NLRP7: variants seen among roughly 807,000 people sequenced by gnomAD.
The protein encoded by NLRP7 is NACHT, LRR and PYD domains-containing protein 7.
Under a neutral mutation model 85.5 loss-of-function variants are expected in NLRP7, and 72 were observed. The ratio of observed to expected loss-of-function variants is 0.84; its 90% CI spans 0.70 to 1.02. NLRP7 has a LOEUF of 1.02. Among genes scored for constraint, NLRP7 ranks in the 50% least tolerant of loss-of-function variants. The pLI is 0.00. For synonymous variants in NLRP7, 550 were observed against 505.2 expected (o/e 1.09, Z -1.19); for missense variants, 1,243 against 1,219.5 (o/e 1.02, Z -0.29).
At chr19:54,944,118 A>T (rs1392788710) in intron 1 of NLRP7, among the ~76,000 whole-genome samples, 1 of 152,098 alleles carries the variant, frequency 6.6e-6, no homozygotes, top group Non-Finnish European at 1.5e-5. Flanking sequence ...GAAGGGAAAG[A>T]CCAGACCGTA....
chr19:54,959,358 C>T (rs1602241715), intron 1 of NLRP7, among the ~76,000 whole-genome samples: 1 of 150,808 alleles, frequency 6.6e-6, no homozygotes, highest in African/African-American at 2.4e-5. Context: ...AGGCTGGTCT[C>T]AAACTCCTGA....
rs2069162038 is a variant in NLRP7 at position 54,940,241 on chromosome 19, A to G, written c.578T>C (p.Leu193Pro). The change falls in exon 4 of 10, where the codon CTG becomes CCG. Residue 193 changes from leucine (L) to proline (P), a missense_variant. Around this residue, in one of 3 missense-constraint regions of NLRP7, gnomAD observed 591 missense variants for 563.3 expected, o/e 1.05. Coordinates refer to ENST00000340844, the Ensembl canonical transcript of NLRP7. ...GCTGAGGTTGCAGTCTGTCCAGTCC[A>G]GCATACACTTTTTGGCCAGCGTGGT... is the stretch of plus-strand genomic sequence containing the variant. 2 of 1,614,096 alleles carry G rather than the reference A, an allele frequency of 1.2e-6. No homozygotes were observed. Among genetic ancestry groups the G allele is most frequent in the African/African-American group, 2.7e-5 (2 of 74,950 alleles).
At chr19:54,949,507 C>T (rs2069603411), upstream of NLRP7, among the ~76,000 whole-genome samples, 2 of 152,082 alleles carry the variant, frequency 1.3e-5, no homozygotes, top group Non-Finnish European at 2.9e-5. Flanking sequence ...GCCTTTAGTC[C>T]TAGAGCAGCT....
At chr19:54,923,542 T>G in exon 10 of NLRP7, 4 of 649,904 alleles carry the variant, frequency 6.2e-6, no homozygotes, top group East Asian at 2.7e-5. Flanking sequence ...ATTATCCCTG[T>G]GAGAAAGTAC....
chr19:54,942,765 G>A (rs1307606623), intron 1 of NLRP7, among the ~76,000 whole-genome samples: 1 of 151,998 alleles, frequency 6.6e-6, no homozygotes, highest in African/African-American at 2.4e-5. Context: ...AGACTTCCTC[G>A]CCACCAACCC....
intron 1 of NLRP7, among the ~76,000 whole-genome samples, chr19:54,956,233 T>A (rs2069849432): frequency 6.6e-6 from 1 of 152,138 alleles, no homozygotes; most frequent in Non-Finnish European, 1.5e-5. Flanking sequence ...GTCAGTCTTG[T>A]GGGACTCAGC....
Position 54,933,755 on chromosome 19 carries a change from A to T in NLRP7, c.2472-16T>A. On this transcript the variant is annotated splice_polypyrimidine_tract_variant and intron_variant, in intron 7 of 9. Coordinates refer to ENST00000340844, the Ensembl canonical transcript of NLRP7. ...GTTTTCCAACCTGCAAAAATATGAA[A>T]CAAATGGTAGAAGGATGAGAACATT... 1 of 1,610,814 alleles carries T rather than the reference A, an allele frequency of 6.2e-7. No homozygotes were observed. The highest frequency in any genetic ancestry group is 8.5e-7 in the Non-Finnish European group (1 of 1,177,026).
intron 9 of NLRP7, among the ~76,000 whole-genome samples, chr19:54,930,173 C>T (rs1052040000): frequency 5.4e-5 from 8 of 149,202 alleles, no homozygotes; most frequent in African/African-American, 2.0e-4. Flanking sequence ...TTTCCAAACA[C>T]TTTAAAAATG....
At position 54,930,349 on chromosome 19, in the gene NLRP7, C is replaced by T. The variant is rs1029794296; in HGVS notation, c.2810+150G>A. 1.2e-5 allele frequency: 8 copies of T among 648,866 alleles called. No homozygotes were observed. The East Asian group carries it at 1.4e-4, about 11-fold the overall frequency. The allele number at this position is 648,866 out of a possible 1,614,324, so 40.2% of individuals were successfully genotyped here. A position where few individuals can be genotyped will look rare whatever the true frequency, so the allele number is the denominator to read the frequency against. ...TGGTAATACATGCCTGTAGAGCCAGCTACTCAGGAGGCTGAGGTGGGAGAA... is the reference window on the plus strand; with the variant it reads ...TGGTAATACATGCCTGTAGAGCCAGTTACTCAGGAGGCTGAGGTGGGAGAA... On this transcript the variant is annotated intron_variant, in intron 9 of 9. Transcript: ENST00000340844.
chr19:54,929,486 G>T (rs2068582389), intron 9 of NLRP7, among the ~76,000 whole-genome samples: 1 of 152,126 alleles, frequency 6.6e-6, no homozygotes, highest in Non-Finnish European at 1.5e-5. Flanking sequence ...TGGAAAATAG[G>T]TTGCATCCAA....
At chr19:54,952,211 G>C (rs572798101), upstream of NLRP7, among the ~76,000 whole-genome samples, 2 of 152,058 alleles carry the variant, frequency 1.3e-5, no homozygotes, top group South Asian at 4.2e-4. Context: ...TGAGGAATGG[G>C]ATCAGCATGA....
intron 1 of NLRP7, among the ~76,000 whole-genome samples, chr19:54,955,789 G>T (rs1024336565): frequency 8.6e-5 from 13 of 151,792 alleles, no homozygotes; most frequent in African/African-American, 3.1e-4. Flanking sequence ...TGAGGTTGCA[G>T]TGAGCTGTGA....
At position 54,923,772 on chromosome 19, in the gene NLRP7, T is replaced by C. The variant is rs7256020; in HGVS notation, c.2911A>G (p.Thr971Ala). 6,776 of 1,613,772 alleles carry C rather than the reference T, an allele frequency of 4.2e-3. 196 individuals carry two copies. The African/African-American group carries it at 0.074, about 18-fold the overall frequency. ...AAAAAGTCACAGCACGGAGGTGCCG[T>C]TGCCCCGGAAGCATTGCAATCAATA... The change falls in exon 10 of 10, where the codon ACG becomes GCG. Residue 971 changes from threonine (T) to alanine (A), a missense_variant. By Grantham distance (58) the Thr-to-Ala change is moderately conservative. Around this residue, in one of 3 missense-constraint regions of NLRP7, gnomAD observed 613 missense variants for 588.4 expected, o/e 1.04. Coordinates refer to ENST00000340844, the Ensembl canonical transcript of NLRP7.
chr19:54,924,072 A>G (rs948885683), intron 9 of NLRP7, among the ~76,000 whole-genome samples, 200 bp from the exon 11 acceptor site: 1 of 152,114 alleles, frequency 6.6e-6, no homozygotes, highest in African/African-American at 2.4e-5. Flanking sequence ...AGTTCAAGCA[A>G]TTCTCATGCC....
At chr19:54,926,609 A>G (rs972448385) in intron 9 of NLRP7, among the ~76,000 whole-genome samples, 14 of 151,778 alleles carry the variant, frequency 9.2e-5, no homozygotes, top group African/African-American at 3.1e-4. Flanking sequence ...GTGAAACCCC[A>G]TCTCTACTAA....
At chr19:54,930,370 G>C in intron 9 of NLRP7, 129 bp downstream of exon 9, 1 of 695,434 alleles carries the variant, frequency 1.4e-6, no homozygotes, top group Non-Finnish European at 2.6e-6. Context: ...GCTGAGGTGG[G>C]AGAACCGATC....
At chr19:54,966,126 ACT>A (rs1193516965) in exon 1 of NLRP7, 1 of 151,306 alleles carries the variant, frequency 6.6e-6, no homozygotes, top group Non-Finnish European at 1.5e-5. Context: ...GTTATCTGGG[ACT>A]CTCGAAAGAA....
At chr19:54,930,115 CAAAA>C (rs34446838) in intron 9 of NLRP7, among the ~76,000 whole-genome samples, 4 of 100,538 alleles carry the variant, frequency 4.0e-5, no homozygotes, top group Admixed American at 1.2e-4. Flanking sequence ...GGCTCCGTCT[CAAAA>C]AAAAAAAAAA....
chr19:54,943,791 G>A (rs2069347838), intron 1 of NLRP7, among the ~76,000 whole-genome samples: 2 of 152,108 alleles, frequency 1.3e-5, no homozygotes, highest in Admixed American at 1.3e-4. Flanking sequence ...GAAAGAAATA[G>A]ACATAAGAGA....
Sources: gnomAD v4.1 joint callset for allele counts (sites outside exome capture counted in the v4.1 genomes callset) on GRCh38, gnomAD v4.1.1 for gene constraint, gnomAD v4.1.1 regional missense constraint, MANE v1.5 for transcripts, NCBI Gene and HGNC (gene_info 2026-07-23, HGNC 2026-07-21) for gene names.